Variants in TARBP1 observed in about 807,000 individuals in gnomAD.
The protein encoded by TARBP1 is tRNA guanosine 2 -O-methyltransferase TARBP1, also known as tRNA (guanosine(18)-2'-O)-methyltransferase TARBP1.
Under a neutral mutation model 178.6 loss-of-function variants are expected in TARBP1, and 144 were observed. The observed-to-expected ratio is 0.81, with a 90% CI of 0.70 to 0.93. The LOEUF (loss-of-function observed/expected upper bound fraction) is 0.93. TARBP1 is among the 40% of genes least tolerant of loss of function. The pLI is 0.00. For synonymous variants in TARBP1, 787 were observed against 781.0 expected, an observed-to-expected ratio of 1.01 and a Z score of -0.13; for missense variants, 2,067 against 2,011.7, an observed-to-expected ratio of 1.03 and a Z score of -0.53.
intron 1 of TARBP1, among the ~76,000 whole-genome samples, chr1:234,476,208 C>CA (rs1417214265): frequency 6.6e-6 from 1 of 151,944 alleles, no homozygotes; most frequent in African/African-American, 2.4e-5. Context: ...CCAAAAGCGT[C>CA]AAATGGAAAT....
intron 19 of TARBP1, 59 bp downstream of exon 19, chr1:234,427,258 T>A (rs1026891068): frequency 1.7e-6 from 2 of 1,182,734 alleles, no homozygotes; most frequent in African/African-American, 3.1e-5. Flanking sequence ...GTTTGTCATA[T>A]GATGTTAAAT....
At chr1:234,421,521 C>CCA (rs1346312121) in intron 20 of TARBP1, among the ~76,000 whole-genome samples, 2 of 152,060 alleles carry the variant, frequency 1.3e-5, no homozygotes, top group African/African-American at 2.4e-5. Flanking sequence ...ACCTTGTGCC[C>CCA]CCGTGTCATA....
At chr1:234,466,132 A>C (rs955497105) in intron 4 of TARBP1, among the ~76,000 whole-genome samples, 2 of 152,248 alleles carry the variant, frequency 1.3e-5, no homozygotes, top group East Asian at 1.9e-4. Flanking sequence ...TGGTCAGAAA[A>C]GCAAGCTTAC....
Position 234,478,476 on chromosome 1 carries a change from C to T in TARBP1, c.628G>A (p.Val210Met), listed in dbSNP as rs1416493358. Residue 210 changes from valine to methionine, a missense_variant, in exon 1 of 30, where the codon GTG becomes ATG. Coordinates refer to ENST00000040877, the MANE Select transcript of TARBP1 (RefSeq NM_005646.4). ...CCAGGCGCGGCCAGCCCGCCCCACACGGCCCGCAGCGCCGCCCCGCCACAT... is the reference window on the plus strand; with the variant it reads ...CCAGGCGCGGCCAGCCCGCCCCACATGGCCCGCAGCGCCGCCCCGCCACAT... ...VQCGGAALRA[V>M]WGGLAAPGAS... is the part of the protein sequence containing the mutation. 1 of 1,379,402 alleles carries T rather than the reference C, an allele frequency of 7.2e-7. No homozygotes were observed. The highest frequency in any genetic ancestry group is 9.4e-7 in the Non-Finnish European group (1 of 1,063,426). The allele number at this position is 1,379,402 out of a possible 1,614,324, so 85.4% of individuals were successfully genotyped here.
At chr1:234,460,192 G>A (rs1484585489) in intron 7 of TARBP1, 69 bp downstream of exon 7, 1 of 1,482,592 alleles carries the variant, frequency 6.7e-7, no homozygotes, top group Non-Finnish European at 9.0e-7. Context: ...TAAAGCAGAG[G>A]AGAAAATATA....
chr1:234,417,343 G>GA (rs149371877), intron 22 of TARBP1, among the ~76,000 whole-genome samples: 13,638 of 151,544 alleles, frequency 0.09, 786 homozygotes, highest in African/African-American at 0.15. Flanking sequence ...GGATAGATGT[G>GA]AAAAAAAAGA....
At chr1:234,473,271 G>C (rs545651456) in intron 1 of TARBP1, among the ~76,000 whole-genome samples, 1 of 152,256 alleles carries the variant, frequency 6.6e-6, no homozygotes, top group Non-Finnish European at 1.5e-5. Flanking sequence ...ACCAAAGGAA[G>C]TGGCTGCAAA....
At chr1:234,445,532 CA>C (rs1666065197) in intron 12 of TARBP1, among the ~76,000 whole-genome samples, 1 of 152,110 alleles carries the variant, frequency 6.6e-6, no homozygotes, top group Non-Finnish European at 1.5e-5. Context: ...GTGATGGTTT[CA>C]GGGGTGTATA....
In TARBP1 at chr1:234,478,763, G is replaced by A; in HGVS notation, c.341C>T (p.Pro114Leu). ...CTCAGCCAGCGCGGCCGCCAGCTGC[G>A]GACGCCCGGCCAGGCGGACGCACGA... ...LRSCVRLAGR[P>L]QLAAALAEEA... is the part of the protein sequence containing the mutation. The change falls in exon 1 of 30, where the codon CCG becomes CTG. Residue 114 changes from proline (P) to leucine (L), a missense_variant. Pro to Leu is a moderately conservative substitution (Grantham distance 98). Coordinates refer to ENST00000040877, the MANE Select transcript of TARBP1 (RefSeq NM_005646.4). 8.7e-7 allele frequency: 1 copy of A among 1,149,058 alleles called. No individual in the cohort carries two copies. The highest frequency in any genetic ancestry group is 1.6e-5 in the African/African-American group (1 of 60,868). The allele number at this position is 1,149,058 out of a possible 1,614,324, so 71.2% of individuals were successfully genotyped here.
At position 234,427,704 on chromosome 1, in the gene TARBP1, A is replaced by C; in HGVS notation, c.3123T>G (p.Ser1041Arg). The C allele has an allele frequency of 6.5e-7, 1 of 1,544,768 alleles. No homozygotes were observed. ...IKTGVFNTLI[S>R]YCCQSWIVSA... Reference sequence around the variant, plus strand: ...ACACTATCCAAGACTGACAGCAGTAACTTATCAGTGTATTGAAGACTCCAG... The same window carrying C: ...ACACTATCCAAGACTGACAGCAGTACCTTATCAGTGTATTGAAGACTCCAG... The change falls in exon 18 of 30, where the codon AGT (serine) becomes AGG (arginine). Residue 1041 changes from serine to arginine, a missense_variant. Transcript: ENST00000040877.
chr1:234,468,124 T>C (rs113057942), intron 3 of TARBP1, among the ~76,000 whole-genome samples: 1,954 of 144,760 alleles, frequency 0.013, 50 homozygotes, highest in African/African-American at 0.049. Context: ...AATTTTGGTA[T>C]TCAGTATTCC....
Position 234,471,247 on chromosome 1 carries a change from A to G in TARBP1, c.1040T>C (p.Ile347Thr). The G allele has an allele frequency of 1.3e-6, 2 of 1,592,136 alleles. No individual in the cohort carries two copies. Among genetic ancestry groups the G allele is most frequent in the Admixed American group, 1.8e-5 (1 of 54,060 alleles). ...ETLEGNQIHV[I>T]KPVLPKLNNL... The stretch of plus-strand genomic sequence containing the variant: ...GTTTAGCTTTGGTAAAACTGGCTTT[A>G]TAACATGTATCTAAAAATAAGAGCA... Residue 347 changes from isoleucine to threonine, a missense_variant, in exon 3 of 30, where the codon ATA becomes ACA. Physicochemically the swap from Ile to Thr is moderately conservative, Grantham distance 89 (BLOSUM62 -1). Transcript: ENST00000040877.
intron 4 of TARBP1, 128 bp from the exon 5 acceptor site, chr1:234,465,836 T>C (rs1054116258): frequency 3.9e-6 from 3 of 769,070 alleles, no homozygotes; most frequent in South Asian, 2.8e-5. Flanking sequence ...AGCTGATCTC[T>C]TACGCTGCAG....
rs1424769563 is a variant in TARBP1, at chr1:234,430,702, T to C, written c.2395-401A>G. On this transcript the variant is annotated intron_variant, in intron 14 of 29. Transcript: ENST00000040877. ...CTATGGGTGAGCCTTATTTTAACTG[T>C]CTGCTGAAACATGTTAAAAAAAAAA... 2.7e-5 allele frequency among the ~76,000 whole-genome samples: 4 copies of C among 149,532 alleles called. No homozygotes were observed. In the East Asian group the frequency reaches 5.9e-4, roughly 22 times the overall value.
At chr1:234,457,823 C>G (rs996068068) in intron 8 of TARBP1, 67 bp from the exon 9 acceptor site, 1 of 1,175,522 alleles carries the variant, frequency 8.5e-7, no homozygotes, top group African/African-American at 1.5e-5. Context: ...AAACTAAAAC[C>G]ACTGTGAAGG....
intron 20 of TARBP1, among the ~76,000 whole-genome samples, chr1:234,422,419 C>T (rs1663207562): frequency 6.6e-6 from 1 of 152,122 alleles, no homozygotes; most frequent in Admixed American, 6.5e-5. Context: ...AGAATGAGAT[C>T]CTGTCATCTG....
Position 234,446,865 on chromosome 1 carries a change from C to G in TARBP1, c.2072G>C (p.Cys691Ser), listed in dbSNP as rs770281284. Residue 691 changes from cysteine to serine, a missense_variant, in exon 12 of 30, where the codon TGC becomes TCC. Cys to Ser is a moderately radical substitution (Grantham distance 112). Transcript: ENST00000040877. Reference protein sequence around the residue: ...AYMPLLKTDRCLQLLLKLLNT... With the variant: ...AYMPLLKTDRSLQLLLKLLNT... ...CAACAGCTTCAACAGCAGCTGGAGG[C>G]ATCTGTCAGTCTTCAGCAAGGGCAT... is the stretch of plus-strand genomic sequence containing the variant. 5 of 1,614,056 alleles carry G rather than the reference C, an allele frequency of 3.1e-6. No individual in the cohort carries two copies. In the Admixed American group the frequency reaches 8.3e-5, roughly 27 times the overall value.
chr1:234,434,688 C>T (rs573853201), intron 13 of TARBP1, among the ~76,000 whole-genome samples: 2 of 152,044 alleles, frequency 1.3e-5, no homozygotes, highest in Non-Finnish European at 2.9e-5. Context: ...GAGGTGGAGA[C>T]AGAGATTTGA....
rs200562969 is a variant in TARBP1, at chr1:234,398,481, T to C, written c.4144A>G (p.Arg1382Gly). 3 of 1,611,896 alleles carry C rather than the reference T, an allele frequency of 1.9e-6. No individual in the cohort carries two copies. The African/African-American group carries it at 4.0e-5, about 21-fold the overall frequency. Residue 1382 changes from arginine (R) to glycine (G), a missense_variant, in exon 26 of 30, where the codon AGA becomes GGA. Transcript: ENST00000040877. Reference protein sequence around the residue: ...DEWITIDKFTRFTDVPLAAGF... With the variant: ...DEWITIDKFTGFTDVPLAAGF... Reference sequence around the variant, plus strand: ...GCAGCTAAAGGAACATCAGTGAATCTGGTAAATTTATCAATGGTGATCCAT... The same window carrying C: ...GCAGCTAAAGGAACATCAGTGAATCCGGTAAATTTATCAATGGTGATCCAT...
Sources: gnomAD v4.1 joint callset for allele counts (sites outside exome capture counted in the v4.1 genomes callset) on GRCh38, gnomAD v4.1.1 for gene constraint, MANE v1.5 for transcripts, NCBI Gene and HGNC (gene_info 2026-07-23, HGNC 2026-07-21) for gene names.